The following CYP3A43 variants were observed in gnomAD, a reference collection of about 807,000 sequenced individuals.
CYP3A43 encodes the protein cytochrome P450 3A43.
Under a neutral mutation model 58.0 loss-of-function variants are expected in CYP3A43, and 45 were observed. The ratio of observed to expected loss-of-function variants is 0.78; its 90% confidence interval spans 0.61 to 0.99. The LOEUF (loss-of-function observed/expected upper bound fraction) is 0.99, where lower values mean the gene tolerates loss of function less well. Ranked by LOEUF, CYP3A43 falls within the 50% of genes least tolerant of loss-of-function variation. The probability of loss-of-function intolerance (pLI) is 0.00; values close to 1 mark genes in which losing one functional copy is unlikely to be tolerated. For missense variants in CYP3A43, 593 were observed against 591.9 expected (o/e 1.00, Z -0.02); for synonymous variants, 191 against 201.4 (o/e 0.95, Z 0.44).
Position 99,865,926 on chromosome 7 carries a change from T to A in CYP3A43, c.1437T>A (p.Asn479Lys). The change falls in exon 13 of 13, where the codon AAT (asparagine) becomes AAA (lysine). Residue 479 changes from asparagine to lysine, a missense_variant. Transcript: ENST00000354829. Reference sequence around the variant, plus strand: ...TGCAGATCCCACTGAAATTAGACAATCTACCAATTCTTCAACCAGAAAAAC... The same window carrying A: ...TGCAGATCCCACTGAAATTAGACAAACTACCAATTCTTCAACCAGAAAAAC... ...KETQIPLKLD[N>K]LPILQPEKPI... 2.6e-6 allele frequency: 4 copies of A among 1,564,176 alleles called. No individual in the cohort carries two copies. The South Asian group carries it at 4.5e-5, about 18-fold the overall frequency.
intron 3 of CYP3A43, among the ~76,000 whole-genome samples, chr7:99,839,972 A>G (rs1817269143): frequency 6.6e-6 from 1 of 152,028 alleles, no homozygotes; most frequent in Non-Finnish European, 1.5e-5. Context: ...TTTTACTGTA[A>G]ATGGGGTGAC....
intron 3 of CYP3A43, among the ~76,000 whole-genome samples, chr7:99,839,833 A>G (rs984452928): frequency 1.3e-5 from 2 of 152,218 alleles, no homozygotes; most frequent in African/African-American, 2.4e-5. Context: ...TGTCATTTGC[A>G]TAGCACATAA....
rs776420558 is a variant in CYP3A43 at position 99,861,623 on chromosome 7, C to T, written c.1037C>T (p.Thr346Ile). The change falls in exon 11 of 13, where the codon ACC (threonine) becomes ATC (isoleucine). Residue 346 changes from threonine to isoleucine, a missense_variant. Transcript: ENST00000354829. ...DAVLPNKAPV[T>I]YDALVQMEYL... Reference sequence around the variant, plus strand: ...TTTCTTTCTTCCCAGGCACCTGTCACCTACGATGCCCTGGTACAGATGGAG... The same window carrying T: ...TTTCTTTCTTCCCAGGCACCTGTCATCTACGATGCCCTGGTACAGATGGAG... 1.7e-5 allele frequency: 28 copies of T among 1,613,860 alleles called. No individual in the cohort carries two copies. Among genetic ancestry groups the T allele is most frequent in the Non-Finnish European group, 2.3e-5 (27 of 1,179,938 alleles).
chr7:99,845,084 A>AT (rs1306097953), intron 4 of CYP3A43, among the ~76,000 whole-genome samples: 1 of 148,416 alleles, frequency 6.7e-6, no homozygotes, highest in Non-Finnish European at 1.5e-5. Context: ...AAAAAAAAAA[A>AT]GTTATATGGT....
At chr7:99,865,582 A>G (rs1260418793) in intron 12 of CYP3A43, among the ~76,000 whole-genome samples, 1 of 148,816 alleles carries the variant, frequency 6.7e-6, no homozygotes, top group Non-Finnish European at 1.5e-5. Context: ...ATAATGCCTA[A>G]TAATCTGGAT....
intron 4 of CYP3A43, among the ~76,000 whole-genome samples, chr7:99,844,942 A>G (rs641815): frequency 0.19 from 29,458 of 151,724 alleles, 5,776 homozygotes; most frequent in African/African-American, 0.51. Context: ...GGTGGTGGGC[A>G]CCTGTAGTCC....
chr7:99,849,618 T>C lies in CYP3A43; in HGVS notation c.594T>C (p.Asn198=), dbSNP rs800667. Residue 198 remains asparagine, a synonymous_variant, in exon 7 of 13, where the codon AAT becomes AAC. Coordinates refer to ENST00000354829, the MANE Select transcript of CYP3A43 (RefSeq NM_057095.3). The part of the protein sequence containing the change: ...LFGVNLDSLN[N]PQDPFLKNMK... ...GAGTGAACTTGGATTCTCTCAACAATCCACAAGATCCCTTTCTGAAAAATA... is the reference window on the plus strand; with the variant it reads ...GAGTGAACTTGGATTCTCTCAACAACCCACAAGATCCCTTTCTGAAAAATA... 0.089 allele frequency: 143,118 copies of C among 1,612,570 alleles called. 14,260 individuals carry two copies. The highest frequency in any genetic ancestry group is 0.52 in the African/African-American group (38,827 of 74,708).
chr7:99,831,113 G>C (rs117897545), intron 1 of CYP3A43, among the ~76,000 whole-genome samples: 1 of 152,166 alleles, frequency 6.6e-6, no homozygotes, highest in African/African-American at 2.4e-5. Context: ...GGTTATTTTC[G>C]ATGTGTGAGT....
intron 3 of CYP3A43, among the ~76,000 whole-genome samples, chr7:99,843,181 C>A (rs537561507): frequency 6.6e-5 from 10 of 152,238 alleles, no homozygotes; most frequent in Middle Eastern, 6.8e-3. Context: ...TTCTCAGAGC[C>A]TCACAAGAAT....
chr7:99,843,852 G>C (rs568356043), intron 3 of CYP3A43, among the ~76,000 whole-genome samples: 2 of 152,128 alleles, frequency 1.3e-5, no homozygotes, highest in African/African-American at 2.4e-5. Flanking sequence ...TGTAACAAAG[G>C]CTTCTGATAT....
Position 99,849,570 on chromosome 7 carries a change from T to G in CYP3A43, c.546T>G (p.Asp182Glu). 1 of 1,611,442 alleles carries G rather than the reference T, an allele frequency of 6.2e-7. No individual in the cohort carries two copies. The highest frequency in any genetic ancestry group is 8.5e-7 in the Non-Finnish European group (1 of 1,179,402). The change falls in exon 7 of 13, where the codon GAT becomes GAG. Residue 182 changes from aspartate to glutamate, a missense_variant. Transcript: ENST00000354829. ...GTTTCTTTGGGGCCTACACCATGGA[T>G]GTAATCACTGGCACATTATTTGGAG... ...LKDFFGAYTM[D>E]VITGTLFGVN...
intron 2 of CYP3A43, among the ~76,000 whole-genome samples, chr7:99,837,330 A>AAG (rs1367803814): frequency 1.3e-5 from 2 of 151,450 alleles, no homozygotes; most frequent in African/African-American, 4.9e-5. Context: ...AAAAAAAAAA[A>AAG]AAAAAGAAAA....
rs374549111 is a variant in CYP3A43, at chr7:99,850,815, G to A, written c.670+1121G>A. Among the ~76,000 whole-genome samples, 10 of 152,288 alleles carry A rather than the reference G, an allele frequency of 6.6e-5. No individual in the cohort carries two copies. The East Asian group carries it at 1.5e-3, about 23-fold the overall frequency. On this transcript the variant is annotated intron_variant, in intron 7 of 12. Coordinates refer to ENST00000354829, the MANE Select transcript of CYP3A43 (RefSeq NM_057095.3). ...TACATTTTCAAAGTTAATTCATGTT[G>A]AAACATGGATCAGTACTTCATTTCT...
chr7:99,849,421 A>G (rs925126187), intron 6 of CYP3A43, 125 bp from the exon 7 acceptor site: 1 of 1,117,656 alleles, frequency 8.9e-7, no homozygotes, highest in African/African-American at 1.6e-5. Context: ...ATGATGCAGC[A>G]GATTGTTCTG....
At chr7:99,831,733 T>C (rs1222483878) in intron 1 of CYP3A43, among the ~76,000 whole-genome samples, 1 of 151,842 alleles carries the variant, frequency 6.6e-6, no homozygotes, top group Non-Finnish European at 1.5e-5. Context: ...ACAGAAGCAG[T>C]AAACTGACTC....
At chr7:99,862,157 A>G (rs1214978917) in intron 11 of CYP3A43, among the ~76,000 whole-genome samples, 1 of 152,176 alleles carries the variant, frequency 6.6e-6, no homozygotes, top group Admixed American at 6.5e-5. Flanking sequence ...CCTATCTACT[A>G]TCTTACGTTA....
intron 1 of CYP3A43, among the ~76,000 whole-genome samples, chr7:99,829,518 T>C (rs1298874774): frequency 1.3e-5 from 2 of 152,130 alleles, no homozygotes; most frequent in Admixed American, 6.6e-5. Context: ...TCCAGAGAAA[T>C]TGCAACAACT....
intron 1 of CYP3A43, among the ~76,000 whole-genome samples, chr7:99,831,527 G>T (rs1467903625): frequency 6.6e-6 from 1 of 152,196 alleles, no homozygotes; most frequent in African/African-American, 2.4e-5. Flanking sequence ...GCAGTTGCAT[G>T]GTTACATCGG....
Position 99,859,860 on chromosome 7 carries a change from C to T in CYP3A43, c.896C>T (p.Ser299Leu). The T allele has an allele frequency of 6.2e-7, 1 of 1,614,124 alleles. No individual in the cohort carries two copies. The highest frequency in any genetic ancestry group is 8.5e-7 in the Non-Finnish European group (1 of 1,180,026). The change falls in exon 10 of 13, where the codon TCA becomes TTA. Residue 299 changes from serine (S) to leucine (L), a missense_variant. Coordinates refer to ENST00000354829, the MANE Select transcript of CYP3A43 (RefSeq NM_057095.3). ...ALSDLELVAQ[S>L]IIIIFAAYDT... ...TCTGATCTGGAGCTTGTGGCCCAGT[C>T]AATTATCATCATTTTTGCTGCCTAT...
Sources: gnomAD v4.1 joint callset for allele counts (sites outside exome capture counted in the v4.1 genomes callset) on GRCh38, gnomAD v4.1.1 for gene constraint, MANE v1.5 for transcripts, NCBI Gene and HGNC (gene_info 2026-07-23, HGNC 2026-07-21) for gene names.